ASTN2: variants seen among roughly 807,000 people sequenced by gnomAD.
The protein encoded by ASTN2 is astrotactin 2.
A neutral mutation model predicts 139.8 loss-of-function variants in ASTN2; 54 were observed. The ratio of observed to expected loss-of-function variants is 0.39; its 90% CI spans 0.31 to 0.48. The LOEUF (loss-of-function observed/expected upper bound fraction) is 0.48. ASTN2 is among the 20% of genes least tolerant of loss of function. ASTN2 has a pLI of 0.95. For synonymous variants in ASTN2, 756 were observed against 719.5 expected, an observed-to-expected ratio of 1.05 and a Z score of -0.81; for missense variants, 1,565 against 1,725.1, an observed-to-expected ratio of 0.91 and a Z score of 1.64.
chr9:116,471,439 T>TC (rs1192564640), intron 20 of ASTN2, among the ~76,000 whole-genome samples: 1 of 152,160 alleles, frequency 6.6e-6, no homozygotes, highest in African/African-American at 2.4e-5. Flanking sequence ...GGCCTCTCCC[T>TC]CCCCTTCAGG....
intron 5 of ASTN2, among the ~76,000 whole-genome samples, chr9:117,049,027 G>A (rs1159253415): frequency 6.9e-6 from 1 of 145,108 alleles, no homozygotes; most frequent in Non-Finnish European, 1.5e-5. Context: ...GAGTGCAATG[G>A]TGCAATCTCA....
intron 19 of ASTN2, among the ~76,000 whole-genome samples, chr9:116,541,439 C>A (rs1459407435): frequency 6.6e-6 from 1 of 152,190 alleles, no homozygotes; most frequent in Non-Finnish European, 1.5e-5. Context: ...CAGGCCCCAA[C>A]ACATGGAACA....
At chr9:116,781,686 A>G (rs1394337062) in intron 13 of ASTN2, among the ~76,000 whole-genome samples, 1 of 152,142 alleles carries the variant, frequency 6.6e-6, no homozygotes, top group East Asian at 1.9e-4. Flanking sequence ...TTTTATAATT[A>G]CATTTCTTCT....
chr9:116,839,732 G>T (rs995236467), intron 11 of ASTN2, among the ~76,000 whole-genome samples: 1 of 151,602 alleles, frequency 6.6e-6, no homozygotes, highest in Admixed American at 6.6e-5. Context: ...CTGCAGTGGC[G>T]TGATCTCGGC....
At chr9:116,596,088 C>T (rs188341904) in intron 19 of ASTN2, among the ~76,000 whole-genome samples, 1 of 152,244 alleles carries the variant, frequency 6.6e-6, no homozygotes, top group Admixed American at 6.5e-5. Flanking sequence ...AATGGATTAT[C>T]ATTCAGCCTT....
In ASTN2 at chr9:116,557,093, G is replaced by A. The variant is rs538607326; in HGVS notation, c.3355+61231C>T. Among the ~76,000 whole-genome samples the A allele has an allele frequency of 5.9e-5, 9 of 151,444 alleles. No homozygotes were observed. The South Asian group carries it at 6.2e-4, about 11-fold the overall frequency. ...AAAAATATTAGCCGGGCGTGGTGGC[G>A]GGTGCCTGTAGTCCCAGCTACTCGG... On this transcript the variant is annotated intron_variant, in intron 19 of 22. Transcript: ENST00000313400.
At chr9:117,197,051 C>T (rs1831529204) in intron 3 of ASTN2, 1 of 152,186 alleles carries the variant, frequency 6.6e-6, no homozygotes, top group Middle Eastern at 3.2e-3. Context: ...ACAAGAATAG[C>T]TAGCTAGGTA....
At chr9:116,774,056 C>T (rs748107263) in intron 13 of ASTN2, among the ~76,000 whole-genome samples, 6 of 152,150 alleles carry the variant, frequency 3.9e-5, no homozygotes, top group Admixed American at 1.3e-4. Context: ...GTGGTTTGTA[C>T]ATTTATTTGT....
chr9:117,268,168 C>G (rs903638219), intron 2 of ASTN2, among the ~76,000 whole-genome samples: 1 of 152,182 alleles, frequency 6.6e-6, no homozygotes, highest in Admixed American at 6.5e-5. Context: ...CTCTTTCCCT[C>G]TCTTGTCCAT....
At chr9:116,810,042 A>G (rs1831124809) in intron 12 of ASTN2, among the ~76,000 whole-genome samples, 1 of 152,200 alleles carries the variant, frequency 6.6e-6, no homozygotes, top group Non-Finnish European at 1.5e-5. Flanking sequence ...GGATGGAGGA[A>G]GACTGCCACA....
In ASTN2 at chr9:116,793,628, G is replaced by A. The variant is rs865951650; in HGVS notation, c.2396+12004C>T. 3.9e-5 allele frequency among the ~76,000 whole-genome samples: 6 copies of A among 152,244 alleles called. No homozygotes were observed. In the South Asian group the frequency reaches 6.2e-4, roughly 16 times the overall value. On this transcript the variant is annotated intron_variant, in intron 13 of 22. Coordinates refer to ENST00000313400, the MANE Select transcript of ASTN2 (RefSeq NM_001365068.1). The stretch of plus-strand genomic sequence containing the variant: ...TGGTGAATACAAAAGGAACTTAACG[G>A]TCCTTTGGGAAATGGGATTGAGGTC...
At chr9:116,436,102 T>C (rs557930759) in intron 22 of ASTN2, among the ~76,000 whole-genome samples, 35 of 152,242 alleles carry the variant, frequency 2.3e-4, no homozygotes, top group Non-Finnish European at 4.7e-4. Flanking sequence ...TCTGTATTTT[T>C]AGCCCCCAGC....
chr9:117,209,294 C>T (rs1193223927), intron 3 of ASTN2, among the ~76,000 whole-genome samples: 1 of 152,058 alleles, frequency 6.6e-6, no homozygotes, highest in South Asian at 2.1e-4. Context: ...AAACTATATA[C>T]TGCCTATTAG....
At chr9:116,546,069 G>C (rs770995883) in intron 19 of ASTN2, 1 of 152,208 alleles carries the variant, frequency 6.6e-6, no homozygotes, top group Non-Finnish European at 1.5e-5. Flanking sequence ...AGAAGACAGG[G>C]AGGAGATAAA....
chr9:117,277,568 C>T (rs974847941), intron 2 of ASTN2, among the ~76,000 whole-genome samples: 4 of 152,076 alleles, frequency 2.6e-5, no homozygotes, highest in African/African-American at 9.7e-5. Context: ...AGAAATTTCA[C>T]CCTAGGTAAT....
At chr9:116,697,270 T>C (rs906058463) in intron 16 of ASTN2, 1 of 166,680 alleles carries the variant, frequency 6.0e-6, no homozygotes, top group East Asian at 1.5e-4. Flanking sequence ...ATTACAAGTA[T>C]ACTACTTCCC....
intron 3 of ASTN2, among the ~76,000 whole-genome samples, chr9:117,151,862 C>CATT (rs1460818150): frequency 1.3e-5 from 2 of 152,282 alleles, no homozygotes; most frequent in East Asian, 1.9e-4. Context: ...CCAAGACCCT[C>CATT]ATTTAAAAAT....
chr9:117,308,091 A>G (rs1052789250), intron 1 of ASTN2, among the ~76,000 whole-genome samples: 3 of 152,158 alleles, frequency 2.0e-5, no homozygotes, highest in Non-Finnish European at 4.4e-5. Context: ...ACATGGCAGA[A>G]AAAGGTCCTC....
chr9:117,011,016 G>T (rs11794465), intron 6 of ASTN2, among the ~76,000 whole-genome samples: 1 of 152,088 alleles, frequency 6.6e-6, no homozygotes, highest in Non-Finnish European at 1.5e-5. Flanking sequence ...TCTGGCAGCT[G>T]GGGAATAAGT....
Sources: gnomAD v4.1 joint callset for allele counts (sites outside exome capture counted in the v4.1 genomes callset) on GRCh38, gnomAD v4.1.1 for gene constraint, MANE v1.5 for transcripts, NCBI Gene and HGNC (gene_info 2026-07-23, HGNC 2026-07-21) for gene names.